The following PTPRG variants were observed in gnomAD, a reference collection of about 807,000 sequenced individuals.
The protein encoded by PTPRG is receptor-type tyrosine-protein phosphatase gamma.
A neutral mutation model predicts 165.3 loss-of-function variants in PTPRG; 102 were observed. The ratio of observed to expected loss-of-function variants is 0.62; its 90% CI spans 0.53 to 0.73. The LOEUF is 0.73. PTPRG is among the 30% of genes least tolerant of loss of function. The probability of loss-of-function intolerance (pLI) is 0.00; values close to 1 mark genes in which losing one functional copy is unlikely to be tolerated. For synonymous variants in PTPRG, 675 were observed against 669.5 expected, an observed-to-expected ratio of 1.01 and a Z score of -0.13; for missense variants, 1,866 against 1,861.4, an observed-to-expected ratio of 1.00 and a Z score of -0.05.
intron 2 of PTPRG, among the ~76,000 whole-genome samples, chr3:61,798,619 G>GT (rs375412571): frequency 0.062 from 7,893 of 128,096 alleles, 668 homozygotes; most frequent in African/African-American, 0.2. Context: ...GTTGCTGCTG[G>GT]TTTTTTTTTT....
chr3:62,277,275 G>A (rs938740633), intron 25 of PTPRG, among the ~76,000 whole-genome samples: 1 of 152,048 alleles, frequency 6.6e-6, no homozygotes, highest in Non-Finnish European at 1.5e-5. Context: ...TAATTTTATT[G>A]TTAATTTCAC....
rs73099110 is a variant in PTPRG at position 61,684,132 on chromosome 3, T to C, written c.86-64746T>C. Among the ~76,000 whole-genome samples, 1,000 of 152,304 alleles carry C rather than the reference T, an allele frequency of 6.6e-3. 6 individuals are homozygous for C. Among genetic ancestry groups the C allele is most frequent in the Admixed American group, 0.012 (178 of 15,300 alleles). ...TGTCTCGTATAGGCTATCAGAGATG[T>C]TTCCTGGACTTTTAAGAGTAGCTCC... On this transcript the variant is annotated intron_variant, in intron 1 of 29. Coordinates refer to ENST00000474889, the MANE Select transcript of PTPRG (RefSeq NM_002841.4).
intron 2 of PTPRG, among the ~76,000 whole-genome samples, chr3:61,754,053 T>C (rs1451890915): frequency 1.3e-5 from 2 of 152,206 alleles, no homozygotes; most frequent in African/African-American, 4.8e-5. Flanking sequence ...TTTTCCCCTG[T>C]GTAGAAATAG....
chr3:61,665,186 C>T (rs1466105199), intron 1 of PTPRG, among the ~76,000 whole-genome samples: 2 of 152,174 alleles, frequency 1.3e-5, no homozygotes, highest in African/African-American at 2.4e-5. Context: ...TCCTGCCTTT[C>T]TGCCATTCAG....
At chr3:61,919,130 C>G (rs941651844) in intron 2 of PTPRG, among the ~76,000 whole-genome samples, 1 of 152,162 alleles carries the variant, frequency 6.6e-6, no homozygotes, top group African/African-American at 2.4e-5. Context: ...AGTCAGAGAT[C>G]TGAACTAGCA....
intron 8 of PTPRG, among the ~76,000 whole-genome samples, chr3:62,186,253 C>A (rs1439150061): frequency 6.6e-6 from 1 of 152,114 alleles, no homozygotes; most frequent in Non-Finnish European, 1.5e-5. Flanking sequence ...TGGCAGTGAC[C>A]CCAGGAATGA....
At chr3:61,864,677 T>C (rs1559655956) in intron 2 of PTPRG, among the ~76,000 whole-genome samples, 1 of 151,214 alleles carries the variant, frequency 6.6e-6, no homozygotes, top group Non-Finnish European at 1.5e-5. Context: ...TTAAATCCGG[T>C]TCACCAGCCA....
Position 62,115,838 on chromosome 3 carries a change from C to T in PTPRG, c.616-16764C>T, listed in dbSNP as rs541715209. Among the ~76,000 whole-genome samples the T allele has an allele frequency of 1.1e-4, 17 of 152,154 alleles. No individual in the cohort carries two copies. In the East Asian group the frequency reaches 3.1e-3, roughly 28 times the overall value. On this transcript the variant is annotated intron_variant, in intron 5 of 29. Coordinates refer to ENST00000474889, the MANE Select transcript of PTPRG (RefSeq NM_002841.4). The stretch of plus-strand genomic sequence containing the variant: ...AGGTGTGAGCCACCACTCCTGACCC[C>T]AAGGCACATTCTTACAGTGGGAAAG...
intron 16 of PTPRG, chr3:62,261,167 C>T (rs964178459): frequency 1.3e-5 from 2 of 152,206 alleles, no homozygotes; most frequent in Admixed American, 1.3e-4. Context: ...CAAAATCTCT[C>T]AGCATAAGAT....
chr3:62,218,936 G>A lies in PTPRG; in HGVS notation c.2241G>A (p.Leu747=). 2 of 1,614,164 alleles carry A rather than the reference G, an allele frequency of 1.2e-6. No individual in the cohort carries two copies. Among genetic ancestry groups the A allele is most frequent in the Non-Finnish European group, 1.7e-6 (2 of 1,180,020 alleles). Residue 747 remains leucine (L), a synonymous_variant, in exon 13 of 30, where the codon TTG becomes TTA. Transcript: ENST00000474889. ...TCCCTCTGATTGTGGTATCAGCCTTGACCTTCGTGTGCCTCATCCTTCTCA... is the reference window on the plus strand; with the variant it reads ...TCCCTCTGATTGTGGTATCAGCCTTAACCTTCGTGTGCCTCATCCTTCTCA... ...WIIPLIVVSA[L]TFVCLILLIA... is the part of the protein sequence containing the mutation.
chr3:61,934,864 C>G (rs2039446873), intron 2 of PTPRG, among the ~76,000 whole-genome samples: 1 of 152,128 alleles, frequency 6.6e-6, no homozygotes, highest in Admixed American at 6.5e-5. Flanking sequence ...CTTATTTGTC[C>G]TGTTGTGTAT....
Position 62,293,149 on chromosome 3 carries a change from C to T in PTPRG, c.4192-12C>T. 6.4e-7 allele frequency: 1 copy of T among 1,557,120 alleles called. No homozygotes were observed. The highest frequency in any genetic ancestry group is 8.7e-7 in the Non-Finnish European group (1 of 1,155,402). ...GTTCTTTGGCTCAAACTGTCTTCCTCTTGTTTTTCAGGAACAATACCAGTT... is the reference window on the plus strand; with the variant it reads ...GTTCTTTGGCTCAAACTGTCTTCCTTTTGTTTTTCAGGAACAATACCAGTT... On this transcript the variant is annotated splice_polypyrimidine_tract_variant and intron_variant, in intron 29 of 29. Transcript: ENST00000474889.
At chr3:62,230,557 A>G (rs764119127) in intron 13 of PTPRG, among the ~76,000 whole-genome samples, 3 of 152,214 alleles carry the variant, frequency 2.0e-5, no homozygotes, top group Non-Finnish European at 4.4e-5. Context: ...ACAGAAGTGC[A>G]TCTTTCAAAT....
chr3:62,058,654 G>C (rs996299809), intron 4 of PTPRG, among the ~76,000 whole-genome samples: 1 of 152,136 alleles, frequency 6.6e-6, no homozygotes, highest in Non-Finnish European at 1.5e-5. Flanking sequence ...TCTGTCCCGG[G>C]AAGCAGTGCA....
At chr3:61,685,038 C>T (rs1008739690) in intron 1 of PTPRG, among the ~76,000 whole-genome samples, 21 of 152,194 alleles carry the variant, frequency 1.4e-4, no homozygotes, top group Admixed American at 1.0e-3. Context: ...CTCCTCCTCC[C>T]GCTCTCCTTC....
Position 62,203,474 on chromosome 3 carries a change from C to T in PTPRG, c.1679C>T (p.Ala560Val). The change falls in exon 12 of 30, where the codon GCT becomes GTT. Residue 560 changes from alanine to valine, a missense_variant. This residue lies in a region of PTPRG where 1,452 missense variants were observed against 1,463.0 expected (regional missense o/e 0.99). Coordinates refer to ENST00000474889, the MANE Select transcript of PTPRG (RefSeq NM_002841.4). This position sits in a 1 kb window ranked among gnomAD's most constrained non-coding sequence, Gnocchi z 6.4. ...RPVLATTEAL[A>V]SPGPDGDSSP... ...GTCCTAGCCACCACAGAGGCCTTGGCTTCTCCAGGGCCCGATGGTGATTCG... is the reference window on the plus strand; with the variant it reads ...GTCCTAGCCACCACAGAGGCCTTGGTTTCTCCAGGGCCCGATGGTGATTCG... 1 of 1,578,206 alleles carries T rather than the reference C, an allele frequency of 6.3e-7. No individual in the cohort carries two copies.
chr3:62,059,217 C>T (rs890460938), intron 4 of PTPRG, among the ~76,000 whole-genome samples: 11 of 152,198 alleles, frequency 7.2e-5, no homozygotes, highest in Admixed American at 5.2e-4. Flanking sequence ...CTAATCTTCA[C>T]GAAGCACATG....
chr3:61,606,301 C>A (rs1173819159), intron 1 of PTPRG, among the ~76,000 whole-genome samples: 1 of 152,302 alleles, frequency 6.6e-6, no homozygotes, highest in East Asian at 1.9e-4. Flanking sequence ...GCTGTCTCCA[C>A]AATGTGGATG....
intron 1 of PTPRG, among the ~76,000 whole-genome samples, chr3:61,662,835 C>G (rs1339290186): frequency 6.6e-6 from 1 of 152,178 alleles, no homozygotes; most frequent in Non-Finnish European, 1.5e-5. Flanking sequence ...TCAACTAAGA[C>G]TTATTGATGG....
Sources: gnomAD v4.1 joint callset for allele counts (sites outside exome capture counted in the v4.1 genomes callset) on GRCh38, gnomAD v4.1.1 for gene constraint, gnomAD v4.1.1 regional missense constraint, Gnocchi (gnomAD v3.1) non-coding constraint, MANE v1.5 for transcripts, NCBI Gene and HGNC (gene_info 2026-07-23, HGNC 2026-07-21) for gene names.